The following ABR variants were observed in gnomAD, a reference collection of about 807,000 sequenced individuals.
ABR encodes the protein active breakpoint cluster region-related protein.
A neutral mutation model predicts 107.2 loss-of-function variants in ABR; 35 were observed. The observed-to-expected ratio is 0.33, with a 90% CI of 0.25 to 0.43. ABR has a LOEUF of 0.43. ABR is among the 20% of genes least tolerant of loss of function. The probability of loss-of-function intolerance (pLI) is 1.00; values close to 1 mark genes in which losing one functional copy is unlikely to be tolerated. For synonymous variants in ABR, 498 were observed against 462.0 expected (o/e 1.08, Z -1.00); for missense variants, 815 against 1,115.2 (o/e 0.73, Z 3.83).
intron 2 of ABR, among the ~76,000 whole-genome samples, chr17:1,122,741 C>G (rs139701297): frequency 6.6e-6 from 1 of 152,304 alleles, no homozygotes; most frequent in African/African-American, 2.4e-5. Flanking sequence ...CCTTCTAATA[C>G]TTTTCTTCGT....
At position 1,114,197 on chromosome 17, in the gene ABR, G is replaced by A. The variant is rs1005113616; in HGVS notation, c.246+10986C>T. On this transcript the variant is annotated intron_variant, in intron 2 of 22. Transcript: ENST00000302538. ...AAAAAAAAAAAAAATTAGGCTGGGC[G>A]CAGTGGCTCACGCCTTTAATCCCGC... Among the ~76,000 whole-genome samples the A allele has an allele frequency of 6.6e-5, 10 of 150,980 alleles. No individual in the cohort carries two copies. In the East Asian group the frequency reaches 1.4e-3, roughly 21 times the overall value.
In ABR at chr17:1,078,104, GGTGTGT is replaced by G. The variant is rs34146750; in HGVS notation, c.700+1220_700+1225del. On this transcript the variant is annotated intron_variant, in intron 6 of 22. Coordinates refer to ENST00000302538, the MANE Select transcript of ABR (RefSeq NM_021962.5). The surrounding 1 kb of genome is among the most constrained non-coding windows in gnomAD (Gnocchi z 7.5). ...GTCCGGGTCCCTTCCACCGAAAGGT[GGTGTGT>G]GTGTGTGTGTGTGTGTGTGTGACCT... Among the ~76,000 whole-genome samples, 4 of 148,482 alleles carry G rather than the reference GGTGTGT, an allele frequency of 2.7e-5. No individual in the cohort carries two copies. Among genetic ancestry groups the G allele is most frequent in the Non-Finnish European group, 4.5e-5 (3 of 66,736 alleles).
intron 14 of ABR, chr17:1,055,696 T>G: frequency 4.7e-5 from 10 of 213,188 alleles, no homozygotes; most frequent in East Asian, 9.8e-5. Context: ...CCCACGCTAA[T>G]TTTAGTATTT....
In ABR at chr17:1,078,952, TGCTGCCGCACGGACTCCAGCATCGG is replaced by T; in HGVS notation, c.700+353_700+377del. On this transcript the variant is annotated intron_variant, in intron 6 of 22. Coordinates refer to ENST00000302538, the MANE Select transcript of ABR (RefSeq NM_021962.5). This position sits in a 1 kb window ranked among gnomAD's most constrained non-coding sequence, Gnocchi z 7.5. ...CCCGGCCACTCAGCCACCTTGCTGA[TGCTGCCGCACGGACTCCAGCATCGG>T]GCAGCCGCTCCGGAGTGCTCTTCCA... 1 of 1,524,428 alleles carries T rather than the reference TGCTGCCGCACGGACTCCAGCATCGG, an allele frequency of 6.6e-7. No homozygotes were observed. Among genetic ancestry groups the T allele is most frequent in the South Asian group, 1.2e-5 (1 of 82,616 alleles). 94.4% of individuals were successfully genotyped at this position (1,524,428 alleles called of 1,614,324 possible). A position where few individuals can be genotyped will look rare whatever the true frequency, so the allele number is the denominator to read the frequency against.
chr17:1,107,864 A>G (rs2038363462), intron 2 of ABR, among the ~76,000 whole-genome samples: 2 of 152,282 alleles, frequency 1.3e-5, no homozygotes, highest in South Asian at 4.1e-4. Context: ...ATACTCACAC[A>G]TCAGCCATCT....
Position 1,015,145 on chromosome 17 carries a change from G to A in ABR, c.1792-1981C>T, listed in dbSNP as rs147058496. Among the ~76,000 whole-genome samples, 360 of 152,150 alleles carry A rather than the reference G, an allele frequency of 2.4e-3. 5 individuals are homozygous for A. The highest frequency in any genetic ancestry group is 8.1e-3 in the African/African-American group (335 of 41,522). On this transcript the variant is annotated intron_variant, in intron 16 of 22. Coordinates refer to ENST00000302538, the MANE Select transcript of ABR (RefSeq NM_021962.5). The stretch of plus-strand genomic sequence containing the variant: ...CATAATTAAAAAGACAGCCAGGCAC[G>A]GTGGCTCACGCCTGTAATCCCAGCA...
In ABR at chr17:1,148,965, C is replaced by A. The variant is rs11870264; in HGVS notation, c.62-23598G>T. 6.6e-6 allele frequency among the ~76,000 whole-genome samples: 1 copy of A among 150,504 alleles called. No homozygotes were observed. Among genetic ancestry groups the A allele is most frequent in the Non-Finnish European group, 1.5e-5 (1 of 67,660 alleles). On this transcript the variant is annotated intron_variant, in intron 1 of 22. Transcript: ENST00000302538. The surrounding 1 kb of genome is among the most constrained non-coding windows in gnomAD (Gnocchi z 4.9). ...CACCCAGGCTGGAGTGCAGTGGCGC[C>A]ATCTCGGCTCACTGCAAGCTCCGCC...
chr17:1,140,229 G>A (rs565007735), intron 1 of ABR, among the ~76,000 whole-genome samples: 7 of 152,376 alleles, frequency 4.6e-5, no homozygotes, highest in African/African-American at 1.4e-4. Flanking sequence ...CCACAGCAGG[G>A]TCCTCTGGGC....
At chr17:1,158,590 T>C (rs2041135399) in intron 1 of ABR, among the ~76,000 whole-genome samples, 1 of 151,544 alleles carries the variant, frequency 6.6e-6, no homozygotes, top group African/African-American at 2.4e-5. Flanking sequence ...TGATGAAACC[T>C]TGTCTGTACT....
At chr17:1,133,871 G>A (rs2039947211) in intron 1 of ABR, among the ~76,000 whole-genome samples, 1 of 152,226 alleles carries the variant, frequency 6.6e-6, no homozygotes, top group Admixed American at 6.5e-5. Context: ...AGTGAAGCAT[G>A]CTGGGACCTC....
chr17:1,117,764 C>T (rs1441830340), intron 2 of ABR, among the ~76,000 whole-genome samples: 3 of 75,706 alleles, frequency 4.0e-5, no homozygotes, highest in African/African-American at 6.8e-5. Context: ...TTCCTCCCAG[C>T]GTTATCCCTG....
intron 1 of ABR, among the ~76,000 whole-genome samples, chr17:1,193,034 G>A (rs1216284216): frequency 6.6e-6 from 1 of 152,190 alleles, no homozygotes; most frequent in East Asian, 1.9e-4. Flanking sequence ...AGCAAAAAGA[G>A]CGAAACTCTA....
intron 6 of ABR, among the ~76,000 whole-genome samples, chr17:1,074,401 C>A (rs1197528003): frequency 6.6e-6 from 1 of 151,016 alleles, no homozygotes; most frequent in East Asian, 1.9e-4. Context: ...ATACCTGCCA[C>A]ACGCAGAACC....
chr17:1,088,045 G>C (rs1040446297), intron 4 of ABR, among the ~76,000 whole-genome samples: 1 of 152,174 alleles, frequency 6.6e-6, no homozygotes, highest in East Asian at 1.9e-4. Flanking sequence ...CAGAGTCTTC[G>C]GCTGAAAATA....
chr17:1,198,312 G>C (rs1295004765), intron 1 of ABR, among the ~76,000 whole-genome samples: 7 of 151,656 alleles, frequency 4.6e-5, no homozygotes, highest in African/African-American at 1.5e-4. Flanking sequence ...GTTGCCCAAG[G>C]CCGAGCTGCT....
In ABR at chr17:1,005,035, C is replaced by T. The variant is rs933827453; in HGVS notation, c.*1045G>A. ...GGAAGCCTGGCCCCTCTTGAAAAGC[C>T]CCCACAACTTGCTCCTAAGAGCTGA... On this transcript the variant is annotated 3_prime_UTR_variant, in exon 23 of 23. Transcript: ENST00000302538. 2.1e-4 allele frequency: 84 copies of T among 399,046 alleles called. No individual in the cohort carries two copies. The highest frequency in any genetic ancestry group is 1.6e-3 in the African/African-American group (80 of 48,758). 24.7% of individuals were successfully genotyped at this position (399,046 alleles called of 1,614,324 possible).
chr17:1,035,748 C>T (rs1245843605), intron 16 of ABR, among the ~76,000 whole-genome samples: 1 of 143,544 alleles, frequency 7.0e-6, no homozygotes, highest in African/African-American at 2.6e-5. Context: ...GAATTAAAAA[C>T]ATTCCTAGTG....
At chr17:1,020,343 A>G (rs2071524685) in intron 16 of ABR, among the ~76,000 whole-genome samples, 1 of 152,186 alleles carries the variant, frequency 6.6e-6, no homozygotes, top group South Asian at 2.1e-4. Context: ...TCGGCCTCCC[A>G]AAGTGCTGGG....
intron 16 of ABR, among the ~76,000 whole-genome samples, chr17:1,013,675 A>T (rs886977320): frequency 2.0e-5 from 3 of 152,224 alleles, no homozygotes; most frequent in Non-Finnish European, 4.4e-5. Context: ...GAATCCTGGC[A>T]AGTTTTAAAC....
Sources: gnomAD v4.1 joint callset for allele counts (sites outside exome capture counted in the v4.1 genomes callset) on GRCh38, gnomAD v4.1.1 for gene constraint, Gnocchi (gnomAD v3.1) non-coding constraint, MANE v1.5 for transcripts, NCBI Gene and HGNC (gene_info 2026-07-23, HGNC 2026-07-21) for gene names.